Variants in IQCM observed in about 807,000 individuals in gnomAD.
IQCM encodes IQ domain-containing protein M.
In IQCM, 45 loss-of-function variants were observed where a neutral mutation model predicts 57.6. That is an observed-to-expected ratio of 0.78 (90% CI 0.62 to 1.00). The LOEUF is 1.00. IQCM is among the 50% of genes least tolerant of loss of function. The pLI, the probability that IQCM is intolerant of heterozygous loss-of-function variation, is 0.00. For missense variants in IQCM, 468 were observed against 511.6 expected, an observed-to-expected ratio of 0.91 and a Z score of 0.82; for synonymous variants, 148 against 158.9, an observed-to-expected ratio of 0.93 and a Z score of 0.51.
At chr4:149,499,310 C>A (rs17686774) in intron 12 of IQCM, among the ~76,000 whole-genome samples, 21,915 of 152,040 alleles carry the variant, frequency 0.14, 2,008 homozygotes, top group South Asian at 0.33. Context: ...CATATACCTG[C>A]TACTTTTGCT....
intron 13 of IQCM, among the ~76,000 whole-genome samples, chr4:149,413,914 C>T (rs1227049624): frequency 6.6e-6 from 1 of 151,900 alleles, no homozygotes; most frequent in Non-Finnish European, 1.5e-5. Context: ...GAGATAGGTG[C>T]AAAATTGCTA....
chr4:149,431,887 C>T (rs1237246476), intron 13 of IQCM, among the ~76,000 whole-genome samples: 1 of 151,624 alleles, frequency 6.6e-6, no homozygotes, highest in African/African-American at 2.4e-5. Context: ...AGTTGAAGAA[C>T]AGCTGTGTTG....
chr4:149,400,617 C>T (rs918960520), intron 13 of IQCM, among the ~76,000 whole-genome samples: 7 of 151,840 alleles, frequency 4.6e-5, no homozygotes, highest in Non-Finnish European at 7.4e-5. Context: ...TTCAGAAAAA[C>T]GAATGACAGG....
intron 12 of IQCM, among the ~76,000 whole-genome samples, chr4:149,471,443 C>G (rs1216479851): frequency 1.3e-5 from 2 of 152,020 alleles, no homozygotes; most frequent in Admixed American, 1.3e-4. Flanking sequence ...CTGAATAGAC[C>G]AATAACAGGT....
intron 12 of IQCM, among the ~76,000 whole-genome samples, chr4:149,445,685 C>T (rs1560847880): frequency 6.6e-6 from 1 of 151,716 alleles, no homozygotes; most frequent in East Asian, 1.9e-4. Context: ...TGTATCGTTA[C>T]TCTATGCAGC....
chr4:149,602,243 A>G (rs1428881149), intron 8 of IQCM, among the ~76,000 whole-genome samples: 3 of 152,106 alleles, frequency 2.0e-5, no homozygotes, highest in African/African-American at 7.2e-5. Context: ...ATAGTATGCC[A>G]CTTTACATAA....
intron 2 of IQCM, among the ~76,000 whole-genome samples, chr4:149,803,478 T>A (rs995671000): frequency 5.9e-5 from 9 of 151,992 alleles, no homozygotes; most frequent in Non-Finnish European, 1.2e-4. Flanking sequence ...CTAATAAGCA[T>A]GTCAAAGGCA....
At chr4:149,586,035 G>A (rs189302218) in intron 9 of IQCM, among the ~76,000 whole-genome samples, 277 of 151,712 alleles carry the variant, frequency 1.8e-3, no homozygotes, top group Middle Eastern at 3.4e-3. Context: ...AACATTCATC[G>A]TGGAGGCTGT....
intron 13 of IQCM, among the ~76,000 whole-genome samples, chr4:149,354,232 C>T (rs573206045): frequency 1.4e-3 from 203 of 147,052 alleles, no homozygotes; most frequent in African/African-American, 4.6e-3. Flanking sequence ...GGCGTAGTGG[C>T]GGGCGCCTGT....
intron 6 of IQCM, among the ~76,000 whole-genome samples, chr4:149,684,507 T>C (rs1214572572): frequency 1.3e-5 from 2 of 151,282 alleles, no homozygotes; most frequent in African/African-American, 4.8e-5. Flanking sequence ...ACAAAAACCT[T>C]TTGGGAGTTT....
At chr4:149,397,191 A>T (rs556393013) in intron 13 of IQCM, among the ~76,000 whole-genome samples, 1 of 151,442 alleles carries the variant, frequency 6.6e-6, no homozygotes, top group African/African-American at 2.4e-5. Context: ...GTTTCTCCAC[A>T]TCCTCCCCAA....
At chr4:149,573,524 C>CTGTGTAATAGTAGCTGTGTAATA (rs1453672952) in intron 9 of IQCM, among the ~76,000 whole-genome samples, 1 of 151,778 alleles carries the variant, frequency 6.6e-6, no homozygotes, top group Non-Finnish European at 1.5e-5. Context: ...AATAGGCTAG[C>CTGTGTAATAGTAGCTGTGTAATA]GTTCACTGTG....
chr4:149,565,022 A>T (rs1234942824), intron 9 of IQCM, among the ~76,000 whole-genome samples: 1 of 152,104 alleles, frequency 6.6e-6, no homozygotes, highest in Non-Finnish European at 1.5e-5. Context: ...AAAGTCTTCC[A>T]AAGTCCAAAG....
chr4:149,670,091 G>A (rs1012074463), intron 7 of IQCM, among the ~76,000 whole-genome samples: 24 of 152,250 alleles, frequency 1.6e-4, no homozygotes, highest in South Asian at 4.1e-4. Flanking sequence ...TCAAAATATT[G>A]TTTCTTCCTA....
At chr4:149,527,409 A>G (rs1287745920) in intron 12 of IQCM, among the ~76,000 whole-genome samples, 1 of 152,214 alleles carries the variant, frequency 6.6e-6, no homozygotes, top group Non-Finnish European at 1.5e-5. Flanking sequence ...AAATTAAGTC[A>G]TGAGGATGGC....
intron 12 of IQCM, among the ~76,000 whole-genome samples, chr4:149,490,976 A>G (rs1742030764): frequency 6.6e-6 from 1 of 152,084 alleles, no homozygotes; most frequent in Admixed American, 6.6e-5. Context: ...ATCATTTCCT[A>G]TGGGACTCGC....
chr4:149,730,826 T>C (rs1031029063), intron 5 of IQCM, among the ~76,000 whole-genome samples: 1 of 152,328 alleles, frequency 6.6e-6, no homozygotes, highest in South Asian at 2.1e-4. Context: ...AAAAACTATA[T>C]ACATCAAATT....
intron 2 of IQCM, among the ~76,000 whole-genome samples, chr4:149,768,767 A>G (rs1328830256): frequency 1.3e-5 from 2 of 152,118 alleles, no homozygotes; most frequent in South Asian, 2.1e-4. Context: ...CGGCAACTGA[A>G]TCACATAATT....
At chr4:149,416,639 G>C (rs1733769410) in intron 13 of IQCM, among the ~76,000 whole-genome samples, 1 of 151,998 alleles carries the variant, frequency 6.6e-6, no homozygotes, top group Admixed American at 6.6e-5. Context: ...AAACATAGGT[G>C]GCCATAGTTC....
Sources: gnomAD v4.1 joint callset for allele counts (sites outside exome capture counted in the v4.1 genomes callset) on GRCh38, gnomAD v4.1.1 for gene constraint, MANE v1.5 for transcripts, NCBI Gene and HGNC (gene_info 2026-07-23, HGNC 2026-07-21) for gene names.